ZNF260: variants seen among roughly 807,000 people sequenced by gnomAD.
The protein encoded by ZNF260 is zinc finger protein 260.
In ZNF260, 21 loss-of-function variants were observed where a neutral mutation model predicts 29.3. The observed-to-expected ratio is 0.72, with a 90% confidence interval of 0.51 to 1.03. ZNF260 has a LOEUF of 1.03. Among genes scored for constraint, ZNF260 ranks in the 50% least tolerant of loss-of-function variants. The pLI, the probability that ZNF260 is intolerant of heterozygous loss-of-function variation, is 0.00. For missense variants in ZNF260, 465 were observed against 487.8 expected, an observed-to-expected ratio of 0.95 and a Z score of 0.44; for synonymous variants, 156 against 156.8, an observed-to-expected ratio of 0.99 and a Z score of 0.04.
Position 36,514,746 on chromosome 19 carries a change from C to T in ZNF260, c.493G>A (p.Glu165Lys). 1.9e-6 allele frequency: 3 copies of T among 1,612,954 alleles called. No homozygotes were observed. Among genetic ancestry groups the T allele is most frequent in the Non-Finnish European group, 2.5e-6 (3 of 1,179,866 alleles). ...EKIHTGEKPF[E>K]CNQCGRAFSQ... ...AAGGCTCTTCCACACTGATTACATTCAAATGGTTTTTCTCCAGTATGAATT... is the reference window on the plus strand; with the variant it reads ...AAGGCTCTTCCACACTGATTACATTTAAATGGTTTTTCTCCAGTATGAATT... Residue 165 changes from glutamate to lysine, a missense_variant, in exon 3 of 3, where the codon GAA becomes AAA. By Grantham distance (56) the Glu-to-Lys change is moderately conservative. Coordinates refer to ENST00000523638, the MANE Select transcript of ZNF260 (RefSeq NM_001166037.2).
intron 2 of ZNF260, among the ~76,000 whole-genome samples, chr19:36,519,853 A>G (rs906059286): frequency 1.3e-5 from 2 of 152,178 alleles, no homozygotes; most frequent in Non-Finnish European, 1.5e-5. Context: ...ACATCATTTT[A>G]AAAAAAGTAA....
rs763890955 is a variant in ZNF260, at chr19:36,514,790, T to C, written c.449A>G (p.Tyr150Cys). Reference protein sequence around the residue: ...ECGKAFNGKAYLTEHEKIHTG... With the variant: ...ECGKAFNGKACLTEHEKIHTG... ...ATGAATTTTCTCATGCTCAGTGAGATATGCTTTGCCGTTAAAGGCTTTGCC... is the reference window on the plus strand; with the variant it reads ...ATGAATTTTCTCATGCTCAGTGAGACATGCTTTGCCGTTAAAGGCTTTGCC... The change falls in exon 3 of 3, where the codon TAT becomes TGT. Residue 150 changes from tyrosine to cysteine, a missense_variant. By Grantham distance (194) the Tyr-to-Cys change is radical. Coordinates refer to ENST00000523638, the MANE Select transcript of ZNF260 (RefSeq NM_001166037.2). 8.1e-6 allele frequency: 13 copies of C among 1,613,790 alleles called. No individual in the cohort carries two copies. The highest frequency in any genetic ancestry group is 1.1e-5 in the Non-Finnish European group (13 of 1,180,010).
chr19:36,520,943 G>A (rs1008654575), intron 2 of ZNF260, among the ~76,000 whole-genome samples: 1 of 151,324 alleles, frequency 6.6e-6, no homozygotes, highest in Non-Finnish European at 1.5e-5. Flanking sequence ...TTAGGTGGGC[G>A]TAGTGGCAGG....
In ZNF260 at chr19:36,514,668, G is replaced by A; in HGVS notation, c.571C>T (p.Pro191Ser). 6.2e-7 allele frequency: 1 copy of A among 1,613,930 alleles called. No individual in the cohort carries two copies. The highest frequency in any genetic ancestry group is 8.5e-7 in the Non-Finnish European group (1 of 1,179,988). Residue 191 changes from proline to serine, a missense_variant, in exon 3 of 3, where the codon CCC becomes TCC. Transcript: ENST00000523638. ...KHQNIHTGKK[P>S]FKCSECGKAF... ...TTTCCACACTCACTACATTTAAAGG[G>A]CTTCTTTCCAGTATGGATGTTCTGA...
Position 36,511,126 on chromosome 19 carries a change from T to C in ZNF260, c.*2874A>G, listed in dbSNP as rs1157449406. ...TCTCAAGACCAACCTTCAGAAATGC[T>C]AGTAAGTGCTACAGTAATATTAACA... On this transcript the variant is annotated 3_prime_UTR_variant, in exon 3 of 3. Transcript: ENST00000523638. The C allele has an allele frequency of 6.6e-6, 1 of 152,228 alleles. No homozygotes were observed. Among genetic ancestry groups the C allele is most frequent in the African/African-American group, 2.4e-5 (1 of 41,472 alleles). The allele number at this position is 152,228 out of a possible 1,614,324, so 9.4% of individuals were successfully genotyped here.
chr19:36,522,906 A>G (rs1258186774), intron 2 of ZNF260, among the ~76,000 whole-genome samples: 1 of 152,228 alleles, frequency 6.6e-6, no homozygotes, highest in Non-Finnish European at 1.5e-5. Context: ...AGTTTATTAT[A>G]GTCACTTAGC....
intron 1 of ZNF260, among the ~76,000 whole-genome samples, chr19:36,525,843 C>T (rs1355361244): frequency 6.6e-6 from 1 of 151,352 alleles, no homozygotes; most frequent in Non-Finnish European, 1.5e-5. Context: ...ACAGAAGGGA[C>T]CTTATTTTCA....
At chr19:36,526,405 G>A (rs990368689) in intron 1 of ZNF260, among the ~76,000 whole-genome samples, 26 of 152,018 alleles carry the variant, frequency 1.7e-4, no homozygotes, top group African/African-American at 6.3e-4. Context: ...GCTGGGCATG[G>A]TGGCACACAC....
chr19:36,516,274 C>T (rs1009756833), intron 2 of ZNF260, among the ~76,000 whole-genome samples: 1 of 152,062 alleles, frequency 6.6e-6, no homozygotes, highest in Non-Finnish European at 1.5e-5. Context: ...TTCAATGTAA[C>T]CCAGCACACT....
intron 2 of ZNF260, among the ~76,000 whole-genome samples, chr19:36,516,539 A>G (rs1372280760): frequency 6.6e-6 from 1 of 152,208 alleles, no homozygotes. Flanking sequence ...GCAATAAGCT[A>G]TGATCGTGCC....
rs2034529315 is a variant in ZNF260, at chr19:36,515,160, A to C, written c.79T>G (p.Tyr27Asp). Residue 27 changes from tyrosine to aspartate, a missense_variant, in exon 3 of 3, where the codon TAT becomes GAT. Tyr to Asp is a radical substitution (Grantham distance 160). Transcript: ENST00000523638. Reference protein sequence around the residue: ...HDQIHTGEKPYECNECRKTFS... With the variant: ...HDQIHTGEKPDECNECRKTFS... ...GTTTTTCTACATTCATTACATTCAT[A>C]AGGTTTCTCTCCAGTATGAATTTGA... 1 of 1,613,634 alleles carries C rather than the reference A, an allele frequency of 6.2e-7. No homozygotes were observed. Among genetic ancestry groups the C allele is most frequent in the East Asian group, 2.2e-5 (1 of 44,846 alleles).
chr19:36,521,298 AT>A (rs2034641524), intron 2 of ZNF260, among the ~76,000 whole-genome samples: 1 of 152,234 alleles, frequency 6.6e-6, no homozygotes. Context: ...CCAAAAGAAA[AT>A]TAAAAATTAC....
intron 2 of ZNF260, among the ~76,000 whole-genome samples, chr19:36,524,541 C>T (rs1341226845): frequency 4.9e-3 from 151 of 30,876 alleles, no homozygotes; most frequent in African/African-American, 6.3e-3. Context: ...TTTTATTGAT[C>T]ATTCTTGGGT....
chr19:36,514,341 C>A lies in ZNF260; in HGVS notation c.898G>T (p.Gly300Ter), dbSNP rs753221805. The A allele has an allele frequency of 6.2e-7, 1 of 1,614,080 alleles. No individual in the cohort carries two copies. The highest frequency in any genetic ancestry group is 1.1e-5 in the South Asian group (1 of 91,082). ...YLIKHHNIHT[G>*]EKPYECNKCG... Reference sequence around the variant, plus strand: ...TTATTACATTCATAGGGTTTCTCTCCTGTATGAATATTGTGATGTTTAATG... The same window carrying A: ...TTATTACATTCATAGGGTTTCTCTCATGTATGAATATTGTGATGTTTAATG... The change falls in exon 3 of 3, where the codon GGA (glycine) becomes TGA (stop). Residue 300 changes from glycine to a stop codon, truncating the protein, a stop_gained. Transcript: ENST00000523638. LOFTEE classifies it high-confidence loss of function.
chr19:36,515,200 A>T lies in ZNF260; in HGVS notation c.39T>A (p.Asp13Glu), dbSNP rs1452203529. 1 of 1,600,512 alleles carries T rather than the reference A, an allele frequency of 6.2e-7. No homozygotes were observed. The highest frequency in any genetic ancestry group is 8.5e-7 in the Non-Finnish European group (1 of 1,171,930). ...TATGAATTTGATCATGCTGAAGGAG[A>T]TCTGATTCATGCTGAAGACTTTCCA... is the stretch of plus-strand genomic sequence containing the variant. Reference protein sequence around the residue: ...GMLESLQHESDLLQHDQIHTG... With the variant: ...GMLESLQHESELLQHDQIHTG... The change falls in exon 3 of 3, where the codon GAT becomes GAA. Residue 13 changes from aspartate (D) to glutamate (E), a missense_variant. By Grantham distance (45) the Asp-to-Glu change is conservative. Transcript: ENST00000523638.
chr19:36,514,724 G>C lies in ZNF260; in HGVS notation c.515C>G (p.Ala172Gly). The C allele has an allele frequency of 6.2e-7, 1 of 1,613,596 alleles. No homozygotes were observed. Among genetic ancestry groups the C allele is most frequent in the Non-Finnish European group, 8.5e-7 (1 of 1,180,004 alleles). The change falls in exon 3 of 3, where the codon GCC becomes GGC. Residue 172 changes from alanine to glycine, a missense_variant. By Grantham distance (60) the Ala-to-Gly change is moderately conservative. Transcript: ENST00000523638. The part of the protein sequence containing the change: ...KPFECNQCGR[A>G]FSQKQYLIKH... ...AATGAGGTATTGCTTCTGGCTGAAG[G>C]CTCTTCCACACTGATTACATTCAAA...
chr19:36,520,124 A>G (rs2945987), intron 2 of ZNF260, among the ~76,000 whole-genome samples: 95,757 of 149,334 alleles, frequency 0.64, 31,209 homozygotes, highest in Non-Finnish European at 0.68. Flanking sequence ...GCTTGAACCC[A>G]GGAGGAGGAA....
chr19:36,524,533 T>TTTTTTTTTTTTTTTTTTTTTTTTTTTTTG, intron 2 of ZNF260, among the ~76,000 whole-genome samples: 1 of 123,770 alleles, frequency 8.1e-6, no homozygotes, highest in African/African-American at 2.9e-5. Flanking sequence ...TTTTTTTTTT[T>TTTTTTTTTTTTTTTTTTTTTTTTTTTTTG]TATTGATCAT....
chr19:36,527,616 C>T (rs73032489), intron 1 of ZNF260, among the ~76,000 whole-genome samples: 26,435 of 152,100 alleles, frequency 0.17, 2,526 homozygotes, highest in Non-Finnish European at 0.22. Flanking sequence ...TTGGAAACTA[C>T]CTCTTAAAGA....
Sources: allele counts gnomAD v4.1 joint callset (sites outside exome capture counted in the v4.1 genomes callset), GRCh38; gene constraint gnomAD v4.1.1; transcripts MANE v1.5; gene names NCBI Gene and HGNC (gene_info 2026-07-23, HGNC 2026-07-21).